The following TRIM24 variants were observed in gnomAD, a reference collection of about 807,000 sequenced individuals.
TRIM24 encodes the protein transcription intermediary factor 1-alpha.
TRIM24 carries 29 observed loss-of-function variants against 123.9 expected under a neutral mutation model. That is an observed-to-expected ratio of 0.23 (90% confidence interval 0.17 to 0.32). The LOEUF (loss-of-function observed/expected upper bound fraction) is 0.32, where lower values mean the gene tolerates loss of function less well. Ranked by LOEUF, TRIM24 falls within the 10% of genes least tolerant of loss-of-function variation. TRIM24 has a pLI of 1.00. For synonymous variants in TRIM24, 456 were observed against 461.1 expected, an observed-to-expected ratio of 0.99 and a Z score of 0.14; for missense variants, 932 against 1,295.3, an observed-to-expected ratio of 0.72 and a Z score of 4.31.
At chr7:138,474,719 C>A (rs902003072) in intron 1 of TRIM24, among the ~76,000 whole-genome samples, 4 of 152,130 alleles carry the variant, frequency 2.6e-5, no homozygotes, top group Non-Finnish European at 5.9e-5. Flanking sequence ...GTCCTTTCTC[C>A]ACTGCATTGT....
At chr7:138,501,983 T>C (rs546950932) in intron 1 of TRIM24, among the ~76,000 whole-genome samples, 16 of 152,192 alleles carry the variant, frequency 1.1e-4, no homozygotes, top group African/African-American at 3.9e-4. Context: ...TTTCTAGTAC[T>C]GAAAAAAAAG....
intron 1 of TRIM24, among the ~76,000 whole-genome samples, chr7:138,479,736 G>A (rs186862801): frequency 1.4e-3 from 206 of 152,034 alleles, no homozygotes; most frequent in East Asian, 5.2e-3. Context: ...TCGAACTCCC[G>A]ATCTCAGGTG....
At chr7:138,559,406 G>A (rs1797380329) in intron 9 of TRIM24, among the ~76,000 whole-genome samples, 1 of 152,164 alleles carries the variant, frequency 6.6e-6, no homozygotes, top group African/African-American at 2.4e-5. Flanking sequence ...GACAAAAGAG[G>A]TCTTTGCCCC....
At chr7:138,470,156 G>A (rs1216176463) in intron 1 of TRIM24, among the ~76,000 whole-genome samples, 1 of 125,288 alleles carries the variant, frequency 8.0e-6, no homozygotes, top group Non-Finnish European at 1.6e-5. Context: ...TTTTGAGATG[G>A]AGTCTCTCTC....
chr7:138,531,141 A>C (rs555436047), intron 6 of TRIM24, among the ~76,000 whole-genome samples: 201 of 151,088 alleles, frequency 1.3e-3, no homozygotes, highest in African/African-American at 4.8e-3. Context: ...TATTATTATT[A>C]TACTTTAAGT....
chr7:138,531,493 T>C (rs1796745198), intron 6 of TRIM24, among the ~76,000 whole-genome samples: 1 of 152,056 alleles, frequency 6.6e-6, no homozygotes, highest in Admixed American at 6.6e-5. Context: ...CTGCGATAGT[T>C]TGCTGAGAAT....
Position 138,511,581 on chromosome 7 carries a change from C to T in TRIM24, c.484-3631C>T, listed in dbSNP as rs117010544. Among the ~76,000 whole-genome samples, 1,111 of 152,180 alleles carry T rather than the reference C, an allele frequency of 7.3e-3. 13 individuals carry two copies. Among genetic ancestry groups the T allele is most frequent in the South Asian group, 0.045 (216 of 4,824 alleles). ...CTGGGATTATATGCGTGAGCCACTG[C>T]GCCTGGCCATGCCACACACTTTTAA... On this transcript the variant is annotated intron_variant, in intron 2 of 18. Coordinates refer to ENST00000343526, the MANE Select transcript of TRIM24 (RefSeq NM_015905.3).
At chr7:138,528,345 G>A (rs1796655354) in intron 5 of TRIM24, among the ~76,000 whole-genome samples, 1 of 152,112 alleles carries the variant, frequency 6.6e-6, no homozygotes, top group African/African-American at 2.4e-5. Context: ...TCCCCATGTT[G>A]GGGGAGTGCT....
chr7:138,461,249 G>C, intron 1 of TRIM24: 1 of 595,272 alleles, frequency 1.7e-6, no homozygotes, highest in Non-Finnish European at 3.2e-6. Context: ...GTTCTTTGCC[G>C]GCTGCAGCCA....
intron 1 of TRIM24, among the ~76,000 whole-genome samples, chr7:138,476,790 C>T (rs1795411913): frequency 6.6e-6 from 1 of 152,042 alleles, no homozygotes; most frequent in Non-Finnish European, 1.5e-5. Flanking sequence ...GCAATCTCCA[C>T]TTCTAGGAAT....
At chr7:138,462,680 G>T (rs1795029423) in intron 1 of TRIM24, among the ~76,000 whole-genome samples, 1 of 151,966 alleles carries the variant, frequency 6.6e-6, no homozygotes, top group African/African-American at 2.4e-5. Flanking sequence ...GTTCCTGTGA[G>T]TAAAAAACAA....
intron 1 of TRIM24, among the ~76,000 whole-genome samples, chr7:138,489,680 ACT>A (rs1486877148): frequency 1.3e-5 from 2 of 151,842 alleles, no homozygotes; most frequent in Non-Finnish European, 2.9e-5. Context: ...ATTGGCCCTC[ACT>A]CTCTTGGCTT....
chr7:138,462,817 G>T (rs1795033188), intron 1 of TRIM24, among the ~76,000 whole-genome samples: 2 of 152,038 alleles, frequency 1.3e-5, no homozygotes, highest in Admixed American at 6.5e-5. Context: ...AGAGGCCCAC[G>T]ACTGGAAAGT....
intron 1 of TRIM24, among the ~76,000 whole-genome samples, chr7:138,479,924 T>G (rs2116474747): frequency 6.6e-6 from 1 of 152,266 alleles, no homozygotes; most frequent in Non-Finnish European, 1.5e-5. Context: ...GTTCAAGCGA[T>G]TCTCCCACCT....
intron 14 of TRIM24, among the ~76,000 whole-genome samples, chr7:138,578,362 C>T (rs1175732854): frequency 6.6e-6 from 1 of 152,278 alleles, no homozygotes; most frequent in South Asian, 2.1e-4. Context: ...TGAATATGCA[C>T]TTAACCAAAA....
intron 3 of TRIM24, among the ~76,000 whole-genome samples, chr7:138,518,110 AG>A (rs1197761586): frequency 6.6e-6 from 1 of 152,234 alleles, no homozygotes; most frequent in Non-Finnish European, 1.5e-5. Flanking sequence ...AAATATCCTT[AG>A]CAGGTGGTAT....
At chr7:138,553,569 TAA>T (rs892100124) in intron 8 of TRIM24, among the ~76,000 whole-genome samples, 3 of 152,182 alleles carry the variant, frequency 2.0e-5, no homozygotes, top group African/African-American at 7.2e-5. Context: ...GTTAAACTCT[TAA>T]AACTAGTTTT....
chr7:138,521,667 G>T (rs1441028783), intron 4 of TRIM24, among the ~76,000 whole-genome samples: 2 of 152,124 alleles, frequency 1.3e-5, no homozygotes, highest in Non-Finnish European at 2.9e-5. Context: ...TTTCGGACTG[G>T]ATAAGAAGGA....
At chr7:138,526,981 C>T (rs190975895) in intron 5 of TRIM24, among the ~76,000 whole-genome samples, 1 of 152,122 alleles carries the variant, frequency 6.6e-6, no homozygotes, top group African/African-American at 2.4e-5. Context: ...TGAAATTTAT[C>T]CCTTTGACTT....
Sources: gnomAD v4.1 joint callset for allele counts (sites outside exome capture counted in the v4.1 genomes callset) on GRCh38, gnomAD v4.1.1 for gene constraint, MANE v1.5 for transcripts, NCBI Gene and HGNC (gene_info 2026-07-23, HGNC 2026-07-21) for gene names.